RBFOX1: variants seen among roughly 807,000 people sequenced by gnomAD.
The protein encoded by RBFOX1 is RNA binding protein fox-1 homolog 1.
In RBFOX1, 8 loss-of-function variants were observed where a neutral mutation model predicts 57.7. The observed-to-expected ratio is 0.14, with a 90% CI of 0.08 to 0.25. The LOEUF is 0.25. Among genes scored for constraint, RBFOX1 ranks in the 10% least tolerant of loss-of-function variants. The pLI is 1.00. For missense variants in RBFOX1, 611 were observed against 548.5 expected (o/e 1.11, Z -1.14); for synonymous variants, 326 against 222.4 (o/e 1.47, Z -4.15).
chr16:7,203,502 G>A (rs2089190913), intron 4 of RBFOX1, among the ~76,000 whole-genome samples: 1 of 152,204 alleles, frequency 6.6e-6, no homozygotes, highest in Non-Finnish European at 1.5e-5. Flanking sequence ...TAATGCTACT[G>A]AATTGTATGC....
At position 6,410,168 on chromosome 16, in the gene RBFOX1, CTGTGTG is replaced by C. The variant is rs3066618; in HGVS notation, c.-64+93142_-64+93147del. 0.017 allele frequency among the ~76,000 whole-genome samples: 2,427 copies of C among 147,024 alleles called. 151 individuals carry two copies. The East Asian group carries it at 0.22, about 13-fold the overall frequency. On this transcript the variant is annotated intron_variant, in intron 2 of 15. Transcript: ENST00000550418. ...GTTTAGAGTTTTAAGCATCATAAGG[CTGTGTG>C]TGTGTGTGTGTGTGTGTGTGTGTGT...
intron 3 of RBFOX1, among the ~76,000 whole-genome samples, chr16:6,752,991 A>C (rs2075208805): frequency 6.6e-6 from 1 of 152,202 alleles, no homozygotes; most frequent in East Asian, 1.9e-4. Flanking sequence ...ACAAATGTGC[A>C]AATTTCAAAT....
intron 4 of RBFOX1, among the ~76,000 whole-genome samples, chr16:7,240,125 C>T (rs112779420): frequency 6.6e-6 from 1 of 152,122 alleles, no homozygotes; most frequent in African/African-American, 2.4e-5. Flanking sequence ...CGCCACCACG[C>T]CTGGCTAATT....
chr16:5,825,492 A>T (rs2056005585), intron 3 of RBFOX1, among the ~76,000 whole-genome samples: 1 of 152,240 alleles, frequency 6.6e-6, no homozygotes, highest in Admixed American at 6.5e-5. Context: ...TTGTGGATCA[A>T]ATTTAGGAGC....
At chr16:7,571,805 G>A (rs3826221) in intron 5 of RBFOX1, among the ~76,000 whole-genome samples, 58,794 of 151,924 alleles carry the variant, frequency 0.39, 11,790 homozygotes, top group South Asian at 0.53. Context: ...GGGAGGCTGC[G>A]TCTCAGAGTT....
chr16:6,741,902 A>G (rs868719148), intron 3 of RBFOX1, among the ~76,000 whole-genome samples: 2 of 152,182 alleles, frequency 1.3e-5, no homozygotes, highest in Non-Finnish European at 1.5e-5. Flanking sequence ...AATAAGCTCA[A>G]TAGATCAATT....
rs987445183 is a variant in RBFOX1, at chr16:6,700,914, C to T, written c.-16+46264C>T. Among the ~76,000 whole-genome samples the T allele has an allele frequency of 2.1e-4, 32 of 152,082 alleles. 1 individual carries two copies. The highest frequency in any genetic ancestry group is 1.7e-3 in the East Asian group (9 of 5,174). ...TTACCCAATTTGCTAGTCACGTCCT[C>T]GGACTACTTAACCATTGTTCGAGGT... On this transcript the variant is annotated intron_variant, in intron 3 of 15. Coordinates refer to ENST00000550418, the MANE Select transcript of RBFOX1 (RefSeq NM_018723.4).
chr16:7,679,155 G>A (rs181729770), intron 14 of RBFOX1, among the ~76,000 whole-genome samples: 87 of 152,292 alleles, frequency 5.7e-4, no homozygotes, highest in African/African-American at 2.0e-3. Context: ...GTTTTAAAAT[G>A]TCTATTAAAT....
chr16:7,705,965 T>C (rs2082299121), intron 14 of RBFOX1, among the ~76,000 whole-genome samples: 1 of 152,148 alleles, frequency 6.6e-6, no homozygotes, highest in Non-Finnish European at 1.5e-5. Flanking sequence ...AGGATGACCA[T>C]ATAGCTGGTC....
intron 3 of RBFOX1, among the ~76,000 whole-genome samples, chr16:6,943,210 C>T (rs184083035): frequency 1.3e-5 from 2 of 152,150 alleles, no homozygotes; most frequent in African/African-American, 2.4e-5. Flanking sequence ...ACTGCTTTGC[C>T]TATAAGGTTA....
chr16:6,205,896 C>T (rs1348640038), intron 1 of RBFOX1, among the ~76,000 whole-genome samples: 1 of 112,574 alleles, frequency 8.9e-6, no homozygotes, highest in Non-Finnish European at 1.7e-5. Context: ...ATGTGGAGAG[C>T]GTACCTGGAA....
intron 4 of RBFOX1, among the ~76,000 whole-genome samples, chr16:7,144,408 TTCTTTCTTC>T (rs1353523089): frequency 1.3e-5 from 1 of 76,040 alleles, no homozygotes; most frequent in African/African-American, 5.5e-5. Flanking sequence ...CTCTTTCTTT[TTCTTTCTTC>T]TTTTTTTTTT....
At chr16:6,741,821 C>G (rs1230700165) in intron 3 of RBFOX1, among the ~76,000 whole-genome samples, 1 of 151,926 alleles carries the variant, frequency 6.6e-6, no homozygotes, top group Non-Finnish European at 1.5e-5. Context: ...ATGGTGGTTA[C>G]CAGAAACTGG....
chr16:5,618,178 C>G (rs976937443), intron 3 of RBFOX1, among the ~76,000 whole-genome samples: 3 of 152,182 alleles, frequency 2.0e-5, no homozygotes, highest in African/African-American at 7.2e-5. Context: ...TCTGTCGTCT[C>G]TTTCCTTTGG....
At chr16:5,395,893 G>A (rs545077643) in intron 1 of RBFOX1, among the ~76,000 whole-genome samples, 89 of 152,298 alleles carry the variant, frequency 5.8e-4, no homozygotes, top group African/African-American at 1.9e-3. Flanking sequence ...AACTGAAGCC[G>A]TTGGTCCTGC....
intron 1 of RBFOX1, among the ~76,000 whole-genome samples, chr16:5,464,846 G>A (rs1383584336): frequency 2.0e-5 from 3 of 152,164 alleles, no homozygotes; most frequent in Non-Finnish European, 2.9e-5. Flanking sequence ...AGGAGGGGCT[G>A]GGGAGGCACA....
At chr16:6,686,735 C>T (rs536161252) in intron 3 of RBFOX1, among the ~76,000 whole-genome samples, 3 of 152,220 alleles carry the variant, frequency 2.0e-5, no homozygotes, top group East Asian at 1.9e-4. Flanking sequence ...ATGTTTCAGG[C>T]CATAACTCTT....
chr16:7,055,424 G>C (rs2035248), intron 4 of RBFOX1, among the ~76,000 whole-genome samples: 67,054 of 151,972 alleles, frequency 0.44, 18,150 homozygotes, highest in South Asian at 0.63. Context: ...TTTGGTATCA[G>C]GGCAGTGGTT....
chr16:7,100,542 G>A (rs1319585068), intron 4 of RBFOX1, among the ~76,000 whole-genome samples: 4 of 147,302 alleles, frequency 2.7e-5, no homozygotes, highest in African/African-American at 1.0e-4. Context: ...GATGGTTTGG[G>A]AAAACATGGG....
Sources: allele counts gnomAD v4.1 joint callset (sites outside exome capture counted in the v4.1 genomes callset), GRCh38; gene constraint gnomAD v4.1.1; transcripts MANE v1.5; gene names NCBI Gene and HGNC (gene_info 2026-07-23, HGNC 2026-07-21).